Variants in RNF180 observed in about 807,000 individuals in gnomAD.
RNF180 encodes the protein ring finger protein 180.
A neutral mutation model predicts 59.2 loss-of-function variants in RNF180; 38 were observed. That is an observed-to-expected ratio of 0.64 (90% CI 0.50 to 0.84). The LOEUF (loss-of-function observed/expected upper bound fraction) is 0.84. Ranked by LOEUF, RNF180 falls within the 40% of genes least tolerant of loss-of-function variation. RNF180 has a pLI of 0.00. For missense variants in RNF180, 705 were observed against 700.9 expected, an observed-to-expected ratio of 1.01 and a Z score of -0.07; for synonymous variants, 262 against 240.3, an observed-to-expected ratio of 1.09 and a Z score of -0.84.
intron 5 of RNF180, among the ~76,000 whole-genome samples, chr5:64,299,343 T>A (rs2112449336): frequency 6.6e-6 from 1 of 152,062 alleles, no homozygotes; most frequent in Middle Eastern, 3.4e-3. Context: ...ATAGTCATTA[T>A]CCTATGCCTG....
chr5:64,274,705 ACT>A (rs1231094911), intron 5 of RNF180, among the ~76,000 whole-genome samples: 2 of 151,478 alleles, frequency 1.3e-5, no homozygotes, highest in African/African-American at 4.9e-5. Context: ...TCTCCTGGTG[ACT>A]CTCTTTCTAT....
Position 64,214,034 on chromosome 5 carries a change from T to C in RNF180, c.708T>C (p.Ser236=). ...RKSHSLDLNI[S]EKLTLLPTLY... ...CACATAGTTTGGATCTGAACATCAG[T>C]GAGAAACTGACTTTATTACCCACTT... Residue 236 remains serine, a synonymous_variant, in exon 4 of 8, where the codon AGT becomes AGC. Transcript: ENST00000389100. 1 of 1,614,116 alleles carries C rather than the reference T, an allele frequency of 6.2e-7. No homozygotes were observed. The highest frequency in any genetic ancestry group is 8.5e-7 in the Non-Finnish European group (1 of 1,180,004).
chr5:64,193,427 C>T (rs778558226), intron 1 of RNF180, among the ~76,000 whole-genome samples: 3 of 151,932 alleles, frequency 2.0e-5, no homozygotes, highest in Non-Finnish European at 4.4e-5. Flanking sequence ...TAAATATATG[C>T]AATTTTTGTA....
chr5:64,317,963 T>C (rs936926251), intron 5 of RNF180, among the ~76,000 whole-genome samples: 5 of 152,166 alleles, frequency 3.3e-5, no homozygotes, highest in African/African-American at 1.2e-4. Flanking sequence ...TAATAAAGTA[T>C]TGACTATCTC....
At chr5:64,193,378 G>T (rs1012292681) in intron 1 of RNF180, among the ~76,000 whole-genome samples, 7 of 151,700 alleles carry the variant, frequency 4.6e-5, no homozygotes, top group Admixed American at 1.3e-4. Context: ...TAGAATCTTG[G>T]GCATATACAT....
At chr5:64,171,841 C>T (rs1337341289) in intron 1 of RNF180, among the ~76,000 whole-genome samples, 6 of 152,022 alleles carry the variant, frequency 3.9e-5, no homozygotes, top group African/African-American at 7.2e-5. Context: ...TTCTCCACCC[C>T]GCCCCCCCAC....
chr5:64,354,388 G>A (rs1345223577), intron 7 of RNF180, among the ~76,000 whole-genome samples: 1 of 151,692 alleles, frequency 6.6e-6, no homozygotes, highest in East Asian at 1.9e-4. Context: ...CAAATTATCT[G>A]AACTGAATCT....
chr5:64,337,752 C>T (rs1369440722), intron 7 of RNF180, among the ~76,000 whole-genome samples: 16 of 147,942 alleles, frequency 1.1e-4, no homozygotes, highest in Admixed American at 6.9e-4. Context: ...TGAGAACATG[C>T]GGTGTTTGGT....
At chr5:64,194,501 A>G (rs1751352515) in intron 1 of RNF180, among the ~76,000 whole-genome samples, 1 of 152,166 alleles carries the variant, frequency 6.6e-6, no homozygotes, top group African/African-American at 2.4e-5. Flanking sequence ...ATGATTTATA[A>G]TCCTTTGGAT....
At chr5:64,360,120 T>C (rs1051999610) in intron 7 of RNF180, among the ~76,000 whole-genome samples, 1 of 152,020 alleles carries the variant, frequency 6.6e-6, no homozygotes, top group African/African-American at 2.4e-5. Context: ...TTATGCGGGC[T>C]CTTTTTTGGT....
chr5:64,307,682 A>G (rs1743546085), intron 5 of RNF180, among the ~76,000 whole-genome samples: 1 of 151,772 alleles, frequency 6.6e-6, no homozygotes, highest in Admixed American at 6.6e-5. Flanking sequence ...AGTCTACCTT[A>G]AACGTGCTCA....
intron 5 of RNF180, among the ~76,000 whole-genome samples, chr5:64,227,230 G>C (rs922439760): frequency 1.6e-4 from 24 of 152,166 alleles, no homozygotes; most frequent in Admixed American, 2.6e-4. Context: ...TTGGGGAAAG[G>C]AAGTTACTTG....
Position 64,248,835 on chromosome 5 carries a change from C to T in RNF180, c.1227+31439C>T, listed in dbSNP as rs1272091325. Among the ~76,000 whole-genome samples, 5 of 152,280 alleles carry T rather than the reference C, an allele frequency of 3.3e-5. No individual in the cohort carries two copies. In the East Asian group the frequency reaches 9.6e-4, roughly 29 times the overall value. On this transcript the variant is annotated intron_variant, in intron 5 of 7. Transcript: ENST00000389100. ...TTATTTGCAGCACTATTCACTATAG[C>T]AAAGACTTGGAACCAACCCAAATAC... is the stretch of plus-strand genomic sequence containing the variant.
chr5:64,281,535 G>A (rs1423606733), intron 5 of RNF180, among the ~76,000 whole-genome samples: 1 of 151,888 alleles, frequency 6.6e-6, no homozygotes, highest in Non-Finnish European at 1.5e-5. Context: ...GTCTTGTTCT[G>A]TTGCCCAGGC....
intron 1 of RNF180, among the ~76,000 whole-genome samples, chr5:64,172,230 C>T (rs1375108069): frequency 6.6e-6 from 1 of 152,102 alleles, no homozygotes; most frequent in Non-Finnish European, 1.5e-5. Flanking sequence ...AAAATTCAGG[C>T]ACAGGTATGT....
chr5:64,340,254 T>C (rs578070140), intron 7 of RNF180, among the ~76,000 whole-genome samples: 1 of 152,294 alleles, frequency 6.6e-6, no homozygotes, highest in East Asian at 1.9e-4. Context: ...CATACTCAAG[T>C]CAAAGGAATT....
intron 1 of RNF180, among the ~76,000 whole-genome samples, chr5:64,197,769 A>AT (rs1751532754): frequency 6.6e-6 from 1 of 152,032 alleles, no homozygotes; most frequent in African/African-American, 2.4e-5. Context: ...GTGGCACATT[A>AT]TTTTTTACTT....
chr5:64,199,949 C>A (rs1430282679), intron 1 of RNF180, among the ~76,000 whole-genome samples: 1 of 152,046 alleles, frequency 6.6e-6, no homozygotes, highest in Non-Finnish European at 1.5e-5. Flanking sequence ...GTTAACTGTT[C>A]CAATAAGTAC....
At chr5:64,304,785 T>C (rs1290404924) in intron 5 of RNF180, among the ~76,000 whole-genome samples, 4 of 151,648 alleles carry the variant, frequency 2.6e-5, no homozygotes, top group Admixed American at 6.6e-5. Flanking sequence ...TTTAAGAGGA[T>C]TGACTTCAAT....
Sources: gnomAD v4.1 joint callset for allele counts (sites outside exome capture counted in the v4.1 genomes callset) on GRCh38, gnomAD v4.1.1 for gene constraint, MANE v1.5 for transcripts, NCBI Gene and HGNC (gene_info 2026-07-23, HGNC 2026-07-21) for gene names.